Variants in KCNIP4 observed in about 807,000 individuals in gnomAD.
KCNIP4 encodes potassium voltage-gated channel interacting protein 4.
Under a neutral mutation model 34.0 loss-of-function variants are expected in KCNIP4, and 12 were observed. That is an observed-to-expected ratio of 0.35 (90% CI 0.23 to 0.57). The LOEUF (loss-of-function observed/expected upper bound fraction) is 0.57. Among genes scored for constraint, KCNIP4 ranks in the 20% least tolerant of loss-of-function variants. The probability of loss-of-function intolerance (pLI) is 0.83; values close to 1 mark genes in which losing one functional copy is unlikely to be tolerated. For missense variants in KCNIP4, 238 were observed against 311.7 expected (o/e 0.76, Z 1.78); for synonymous variants, 124 against 102.2 (o/e 1.21, Z -1.29).
At chr4:21,502,017 G>GCA (rs1733405087) in intron 1 of KCNIP4, among the ~76,000 whole-genome samples, 1 of 141,932 alleles carries the variant, frequency 7.0e-6, no homozygotes, top group African/African-American at 2.7e-5. Flanking sequence ...ACACACACAA[G>GCA]CACACACACA....
intron 1 of KCNIP4, among the ~76,000 whole-genome samples, chr4:21,025,333 T>G (rs1398425500): frequency 6.6e-6 from 1 of 151,884 alleles, no homozygotes; most frequent in Non-Finnish European, 1.5e-5. Context: ...TTAAGAAACC[T>G]GTGTAAGGAT....
At chr4:21,306,163 C>G (rs1028415164) in intron 1 of KCNIP4, among the ~76,000 whole-genome samples, 1 of 152,180 alleles carries the variant, frequency 6.6e-6, no homozygotes, top group Non-Finnish European at 1.5e-5. Flanking sequence ...TAACACTAGC[C>G]TCAGAGAACC....
intron 3 of KCNIP4, among the ~76,000 whole-genome samples, chr4:20,780,067 T>A (rs926062265): frequency 4.6e-5 from 7 of 152,214 alleles, no homozygotes. Context: ...GAAGTAGGGA[T>A]GTTCAAGGGT....
intron 1 of KCNIP4, among the ~76,000 whole-genome samples, chr4:21,054,236 A>G (rs563271110): frequency 6.6e-6 from 1 of 152,052 alleles, no homozygotes; most frequent in Non-Finnish European, 1.5e-5. Flanking sequence ...ATAAACAAAG[A>G]GGCTGGGCAT....
At chr4:21,534,935 G>A (rs1391257395) in intron 1 of KCNIP4, among the ~76,000 whole-genome samples, 3 of 152,040 alleles carry the variant, frequency 2.0e-5, no homozygotes, top group Non-Finnish European at 2.9e-5. Flanking sequence ...AATTGTTCAA[G>A]GTCAAACTCA....
intron 3 of KCNIP4, among the ~76,000 whole-genome samples, chr4:20,788,537 G>A (rs1365539942): frequency 1.3e-5 from 2 of 152,046 alleles, no homozygotes; most frequent in Non-Finnish European, 1.5e-5. Context: ...TCCAATCTCA[G>A]CACAGTAAAC....
rs1245153271 is a variant in KCNIP4 at position 20,734,624 on chromosome 4, T to G, written c.537+4A>C. The G allele has an allele frequency of 1.5e-6, 2 of 1,375,016 alleles. No individual in the cohort carries two copies. Among genetic ancestry groups the G allele is most frequent in the Admixed American group, 2.2e-5 (1 of 46,100 alleles). The allele number at this position is 1,375,016 out of a possible 1,614,324, so 85.2% of individuals were successfully genotyped here. On this transcript the variant is annotated splice_donor_region_variant and intron_variant, in intron 6 of 8. Transcript: ENST00000382152. The stretch of plus-strand genomic sequence containing the variant: ...TACTGTGATGTTGGTGAGGCATCCC[T>G]TACCTCTTTAGTGATGTAGCCATCT...
rs1578390169 is a variant in KCNIP4 at position 20,729,492 on chromosome 4, A to AT, written c.*589dup. The stretch of plus-strand genomic sequence containing the variant: ...TAAACTAATTTTTAAATGTTTAATA[A>AT]TTTTTAAATGTTTAAAAATGCCAGA... On this transcript the variant is annotated 3_prime_UTR_variant, in exon 9 of 9. Coordinates refer to ENST00000382152, the MANE Select transcript of KCNIP4 (RefSeq NM_025221.6). 6.6e-6 allele frequency: 1 copy of AT among 150,936 alleles called. No individual in the cohort carries two copies. The highest frequency in any genetic ancestry group is 2.4e-5 in the African/African-American group (1 of 41,332). 9.3% of individuals were successfully genotyped at this position (150,936 alleles called of 1,614,324 possible).
chr4:21,597,287 CTT>C (rs929934278), intron 1 of KCNIP4, among the ~76,000 whole-genome samples: 4 of 152,038 alleles, frequency 2.6e-5, no homozygotes, highest in African/African-American at 9.7e-5. Context: ...TCTTTTCTCT[CTT>C]GTCTGCCGCG....
At chr4:21,138,437 T>A (rs10001158) in intron 1 of KCNIP4, among the ~76,000 whole-genome samples, 1 of 151,802 alleles carries the variant, frequency 6.6e-6, no homozygotes, top group African/African-American at 2.4e-5. Flanking sequence ...TCTTGTTCCT[T>A]CTACAAATCA....
At chr4:21,271,676 T>A (rs1193429000) in intron 1 of KCNIP4, among the ~76,000 whole-genome samples, 1 of 152,172 alleles carries the variant, frequency 6.6e-6, no homozygotes, top group African/African-American at 2.4e-5. Context: ...GCTTTGGGGC[T>A]ACACTTCCAG....
intron 2 of KCNIP4, among the ~76,000 whole-genome samples, chr4:20,871,414 C>T (rs1285227311): frequency 6.6e-6 from 1 of 151,384 alleles, no homozygotes; most frequent in Non-Finnish European, 1.5e-5. Flanking sequence ...TATACATTGG[C>T]AGAAAATATA....
At chr4:21,062,473 G>A (rs1744005664) in intron 1 of KCNIP4, among the ~76,000 whole-genome samples, 1 of 151,986 alleles carries the variant, frequency 6.6e-6, no homozygotes, top group Non-Finnish European at 1.5e-5. Flanking sequence ...TATGACTGGT[G>A]TATTAGTCAA....
Position 21,239,918 on chromosome 4 carries a change from T to G in KCNIP4, c.62-357209A>C, listed in dbSNP as rs1456767814. Among the ~76,000 whole-genome samples the G allele has an allele frequency of 2.0e-5, 3 of 152,106 alleles. No homozygotes were observed. In the East Asian group the frequency reaches 5.8e-4, roughly 29 times the overall value. The stretch of plus-strand genomic sequence containing the variant: ...TAAATCGTGCTGCTATAAAGACACA[T>G]GCACATGTATGTTTATTGCAGCACT... On this transcript the variant is annotated intron_variant, in intron 1 of 8. Coordinates refer to ENST00000382152, the MANE Select transcript of KCNIP4 (RefSeq NM_025221.6).
At chr4:21,604,326 T>A (rs1743463062) in intron 1 of KCNIP4, among the ~76,000 whole-genome samples, 1 of 152,178 alleles carries the variant, frequency 6.6e-6, no homozygotes, top group Non-Finnish European at 1.5e-5. Flanking sequence ...TTGCTCTTGC[T>A]ATCCATTTAT....
chr4:21,792,784 T>A (rs896918162), intron 1 of KCNIP4, among the ~76,000 whole-genome samples: 3 of 152,232 alleles, frequency 2.0e-5, no homozygotes, highest in Admixed American at 2.0e-4. Context: ...GAATCTCTGA[T>A]TGTGAAGGGT....
chr4:21,342,933 C>T (rs1037071421), intron 1 of KCNIP4, among the ~76,000 whole-genome samples: 13 of 152,002 alleles, frequency 8.6e-5, no homozygotes, highest in African/African-American at 3.1e-4. Flanking sequence ...GCTAAGGAGC[C>T]CTAGGTAGTA....
chr4:21,153,254 C>T (rs997202221), intron 1 of KCNIP4, among the ~76,000 whole-genome samples: 5 of 152,044 alleles, frequency 3.3e-5, no homozygotes, highest in Non-Finnish European at 4.4e-5. Flanking sequence ...TCAAATGTCA[C>T]AAAGCAACAT....
At chr4:21,191,418 A>C (rs1274837687) in intron 1 of KCNIP4, among the ~76,000 whole-genome samples, 1 of 152,246 alleles carries the variant, frequency 6.6e-6, no homozygotes, top group African/African-American at 2.4e-5. Context: ...GAAGATAGGC[A>C]TTGGTTTCCC....
Sources: allele counts gnomAD v4.1 joint callset (sites outside exome capture counted in the v4.1 genomes callset), GRCh38; gene constraint gnomAD v4.1.1; transcripts MANE v1.5; gene names NCBI Gene and HGNC (gene_info 2026-07-23, HGNC 2026-07-21).